The following SGCZ variants were observed in gnomAD, a reference collection of about 807,000 sequenced individuals.
The protein encoded by SGCZ is zeta-sarcoglycan.
In SGCZ, 40 loss-of-function variants were observed where a neutral mutation model predicts 41.3. The observed-to-expected ratio is 0.97, with a 90% CI of 0.75 to 1.26. The LOEUF (loss-of-function observed/expected upper bound fraction) is 1.26. Among genes scored for constraint, SGCZ ranks in the 50% most tolerant of loss-of-function variants. SGCZ has a pLI of 0.00. For missense variants in SGCZ, 552 were observed against 369.8 expected (o/e 1.49, Z -4.04); for synonymous variants, 206 against 137.5 (o/e 1.50, Z -3.49).
Position 14,578,191 on chromosome 8 carries a change from A to T in SGCZ, c.40-23265T>A, listed in dbSNP as rs145839252. Among the ~76,000 whole-genome samples the T allele has an allele frequency of 5.2e-4, 79 of 152,338 alleles. 1 individual carries two copies. The East Asian group carries it at 0.014, about 27-fold the overall frequency. On this transcript the variant is annotated intron_variant, in intron 1 of 7. Transcript: ENST00000382080. ...GTGATAAAAAGAGAAATGGCAAAGCACTGATGAAAATAAAATTCATCTATA... is the reference window on the plus strand; with the variant it reads ...GTGATAAAAAGAGAAATGGCAAAGCTCTGATGAAAATAAAATTCATCTATA...
intron 1 of SGCZ, among the ~76,000 whole-genome samples, chr8:14,904,022 A>T (rs868662607): frequency 2.0e-5 from 3 of 152,128 alleles, no homozygotes; most frequent in Non-Finnish European, 4.4e-5. Flanking sequence ...CTACAAAAAA[A>T]TTTTAAAAGT....
chr8:15,107,236 A>G (rs541173610), intron 1 of SGCZ, among the ~76,000 whole-genome samples: 2 of 152,254 alleles, frequency 1.3e-5, no homozygotes, highest in East Asian at 3.9e-4. Flanking sequence ...TTTGTTCTCA[A>G]AGTAGCACGC....
intron 2 of SGCZ, among the ~76,000 whole-genome samples, chr8:14,478,361 G>C (rs905311806): frequency 1.3e-5 from 2 of 152,102 alleles, no homozygotes; most frequent in Non-Finnish European, 2.9e-5. Context: ...AAAAACAAAT[G>C]ACCAATCAAG....
chr8:14,480,545 T>C (rs1801507053), intron 2 of SGCZ, among the ~76,000 whole-genome samples: 1 of 151,894 alleles, frequency 6.6e-6, no homozygotes, highest in Non-Finnish European at 1.5e-5. Context: ...CACGTAATTC[T>C]TTATACTCAA....
intron 2 of SGCZ, among the ~76,000 whole-genome samples, chr8:14,328,534 T>C (rs751640970): frequency 7.9e-5 from 12 of 152,214 alleles, no homozygotes; most frequent in Non-Finnish European, 1.6e-4. Context: ...AAGCTTAAAA[T>C]AGTGCCTAAT....
At chr8:15,182,050 T>A (rs1230391565) in intron 1 of SGCZ, among the ~76,000 whole-genome samples, 1 of 152,082 alleles carries the variant, frequency 6.6e-6, no homozygotes, top group Non-Finnish European at 1.5e-5. Context: ...CTTGAAAAAA[T>A]AGAGGAAACC....
rs1042466359 is a variant in SGCZ, at chr8:14,516,111, C to G, written c.234+38621G>C. Among the ~76,000 whole-genome samples, 5 of 148,416 alleles carry G rather than the reference C, an allele frequency of 3.4e-5. 1 individual carries two copies. Among genetic ancestry groups the G allele is most frequent in the Admixed American group, 3.4e-4 (5 of 14,910 alleles). On this transcript the variant is annotated intron_variant, in intron 2 of 7. Coordinates refer to ENST00000382080, the MANE Select transcript of SGCZ (RefSeq NM_139167.4). ...GCAGTATGATCATGATGAAACTTCT[C>G]TTTTTTTTTCTATGTCTGTGGTTTT... is the stretch of plus-strand genomic sequence containing the variant.
At chr8:14,655,663 A>G (rs914385485) in intron 1 of SGCZ, among the ~76,000 whole-genome samples, 12 of 152,130 alleles carry the variant, frequency 7.9e-5, no homozygotes, top group Non-Finnish European at 2.9e-5. Context: ...TTGTAAAACT[A>G]TTATGCAATA....
At chr8:14,797,255 A>G (rs1001434744) in intron 1 of SGCZ, among the ~76,000 whole-genome samples, 2 of 152,140 alleles carry the variant, frequency 1.3e-5, no homozygotes, top group Non-Finnish European at 2.9e-5. Context: ...AAGATTTAGA[A>G]AAGTTTGGAA....
chr8:14,712,617 G>A (rs1186243679), intron 1 of SGCZ, among the ~76,000 whole-genome samples: 1 of 152,026 alleles, frequency 6.6e-6, no homozygotes, highest in Non-Finnish European at 1.5e-5. Flanking sequence ...ACTTGACAAG[G>A]GAAGCACCTC....
intron 4 of SGCZ, among the ~76,000 whole-genome samples, chr8:14,187,005 A>G (rs1333841915): frequency 6.6e-6 from 1 of 151,966 alleles, no homozygotes; most frequent in East Asian, 1.9e-4. Context: ...CAATTGATAA[A>G]CTCTACCAAT....
At chr8:14,926,890 T>C (rs1316149046) in intron 1 of SGCZ, among the ~76,000 whole-genome samples, 4 of 151,950 alleles carry the variant, frequency 2.6e-5, no homozygotes, top group Non-Finnish European at 5.9e-5. Flanking sequence ...CCACCAGCCT[T>C]AGCCTCCCAA....
At chr8:14,681,117 C>A (rs1462779161) in intron 1 of SGCZ, among the ~76,000 whole-genome samples, 1 of 151,848 alleles carries the variant, frequency 6.6e-6, no homozygotes, top group Non-Finnish European at 1.5e-5. Context: ...AAAACAGGCC[C>A]ACAACAACTG....
intron 4 of SGCZ, among the ~76,000 whole-genome samples, chr8:14,203,968 A>T (rs1805536725): frequency 3.3e-5 from 5 of 152,018 alleles, no homozygotes; most frequent in Admixed American, 3.3e-4. Flanking sequence ...TATCTAGGAA[A>T]GGAGTTGGGG....
intron 1 of SGCZ, among the ~76,000 whole-genome samples, chr8:14,991,730 A>G (rs759751242): frequency 5.3e-5 from 8 of 150,504 alleles, no homozygotes; most frequent in South Asian, 2.1e-4. Context: ...CGTTTCCCTT[A>G]ATACTTACCT....
At chr8:14,659,016 A>G (rs1011784206) in intron 1 of SGCZ, among the ~76,000 whole-genome samples, 8 of 152,168 alleles carry the variant, frequency 5.3e-5, no homozygotes, top group Non-Finnish European at 1.2e-4. Context: ...TAAGTACCCA[A>G]TGTGAAAAAA....
chr8:14,568,550 T>A (rs1320640244), intron 1 of SGCZ, among the ~76,000 whole-genome samples: 2 of 152,116 alleles, frequency 1.3e-5, no homozygotes, highest in African/African-American at 2.4e-5. Flanking sequence ...TTTTTTTGTG[T>A]TAGCTCACCA....
chr8:14,596,587 G>C (rs961460932), intron 1 of SGCZ, among the ~76,000 whole-genome samples: 2 of 151,448 alleles, frequency 1.3e-5, no homozygotes, highest in Non-Finnish European at 2.9e-5. Flanking sequence ...GATTTCCTTG[G>C]ACTACAGTAA....
rs536442291 is a variant in SGCZ, at chr8:14,343,907, TA to T, written c.235-19704del. 2.0e-5 allele frequency among the ~76,000 whole-genome samples: 3 copies of T among 151,148 alleles called. No homozygotes were observed. The East Asian group carries it at 5.8e-4, about 29-fold the overall frequency. On this transcript the variant is annotated intron_variant, in intron 2 of 7. Transcript: ENST00000382080. ...AAGGGGAAAAAGAAGCAGTGCAAAT[TA>T]AAAAAAAGAGGTGATCCAATTGAGG...
Sources: gnomAD v4.1 joint callset for allele counts (sites outside exome capture counted in the v4.1 genomes callset) on GRCh38, gnomAD v4.1.1 for gene constraint, MANE v1.5 for transcripts, NCBI Gene and HGNC (gene_info 2026-07-23, HGNC 2026-07-21) for gene names.